Variants in NISCH observed in about 807,000 individuals in gnomAD.
NISCH encodes the protein nischarin.
Under a neutral mutation model 138.4 loss-of-function variants are expected in NISCH, and 55 were observed. The observed-to-expected ratio is 0.40, with a 90% CI of 0.32 to 0.50. The LOEUF (loss-of-function observed/expected upper bound fraction) is 0.50. Ranked by LOEUF, NISCH falls within the 20% of genes least tolerant of loss-of-function variation. NISCH has a pLI of 0.71. For synonymous variants in NISCH, 860 were observed against 861.5 expected (o/e 1.00, Z 0.03); for missense variants, 1,643 against 2,005.5 (o/e 0.82, Z 3.45).
At chr3:52,477,679 TC>T in intron 9 of NISCH, 37 bp downstream of exon 9, 1 of 1,545,962 alleles carries the variant, frequency 6.5e-7, no homozygotes, top group Non-Finnish European at 8.9e-7. Flanking sequence ...CCGCACACAC[TC>T]CCAAGGCCCC....
chr3:52,484,462 T>TTGGCCCCCCCC, intron 13 of NISCH, 51 bp from the exon 14 acceptor site: 81 of 788,660 alleles, frequency 1.0e-4, no homozygotes, highest in Middle Eastern at 4.5e-4. Flanking sequence ...ACAGCCGCTC[T>TTGGCCCCCCCC]CCCCGCCCCA....
intron 13 of NISCH, 180 bp from the exon 14 acceptor site, chr3:52,484,333 T>C (rs769417056): frequency 8.6e-5 from 50 of 578,290 alleles, no homozygotes; most frequent in Non-Finnish European, 1.4e-4. Flanking sequence ...TTGTTCTTTC[T>C]TGAGTTATTT....
At chr3:52,461,882 A>C (rs1038334521) in intron 3 of NISCH, among the ~76,000 whole-genome samples, 15 of 152,152 alleles carry the variant, frequency 9.9e-5, no homozygotes, top group South Asian at 4.1e-4. Context: ...AAAAAAAGAA[A>C]TATTGTATTT....
intron 3 of NISCH, 34 bp downstream of exon 3, chr3:52,458,878 C>T: frequency 6.4e-7 from 1 of 1,550,974 alleles, no homozygotes; most frequent in Non-Finnish European, 8.7e-7. Context: ...CCTGTGCCTG[C>T]AAACCCACAA....
In NISCH at chr3:52,488,198, G is replaced by A. The variant is rs764227395; in HGVS notation, c.2706G>A (p.Lys902=). ...RSCCAPSEAV[K]SAAIPYWLLL... ...GCTGCGCGCCCTCTGAGGCCGTCAA[G>A]TCCGCCGCCATCCCCTACTGGCTGT... The change falls in exon 16 of 21, where the codon AAG becomes AAA. Residue 902 remains lysine, a synonymous_variant. Coordinates refer to ENST00000345716, the MANE Select transcript of NISCH (RefSeq NM_007184.4). 6.2e-7 allele frequency: 1 copy of A among 1,613,024 alleles called. No homozygotes were observed. The highest frequency in any genetic ancestry group is 1.3e-5 in the African/African-American group (1 of 74,900).
At chr3:52,481,318 A>G (rs1707264010) in intron 13 of NISCH, 2 of 1,010,756 alleles carry the variant, frequency 2.0e-6, no homozygotes, top group African/African-American at 3.4e-5. Flanking sequence ...GTTAAGGCAA[A>G]AGGCCCAACG....
Position 52,472,347 on chromosome 3 carries a change from G to A in NISCH, c.618G>A (p.Glu206=). The change falls in exon 6 of 21, where the codon GAG becomes GAA. Residue 206 remains glutamate, a synonymous_variant. Transcript: ENST00000345716. The part of the protein sequence containing the change: ...EGPFGTSNIQ[E]QLLPFDLSIF... ...CTTTTGGGACCAGCAACATTCAGGA[G>A]CAGCTCCTGCCGTTCGACCTATCAA... 6.2e-7 allele frequency: 1 copy of A among 1,614,180 alleles called. No individual in the cohort carries two copies. Among genetic ancestry groups the A allele is most frequent in the South Asian group, 1.1e-5 (1 of 91,078 alleles).
At chr3:52,458,596 T>C in intron 2 of NISCH, 66 bp from the exon 3 acceptor site, 1 of 1,427,198 alleles carries the variant, frequency 7.0e-7, no homozygotes, top group Admixed American at 2.2e-5. Context: ...TCAAGCTTCT[T>C]GCCTTGGTCT....
In NISCH at chr3:52,490,792, C is replaced by T; in HGVS notation, c.3701C>T (p.Ser1234Leu). The change falls in exon 19 of 21, where the codon TCA becomes TTA. Residue 1234 changes from serine to leucine, a missense_variant. By Grantham distance (145) the Ser-to-Leu change is moderately radical. Coordinates refer to ENST00000345716, the MANE Select transcript of NISCH (RefSeq NM_007184.4). ...CFVLKLSDLQ[S>L]VNVGLFDQHF... Reference sequence around the variant, plus strand: ...GTGCTAAAGCTTAGTGACCTGCAGTCAGTCAATGTGGGGCTTTTCGACCAG... The same window carrying T: ...GTGCTAAAGCTTAGTGACCTGCAGTTAGTCAATGTGGGGCTTTTCGACCAG... 6.2e-7 allele frequency: 1 copy of T among 1,614,220 alleles called. No individual in the cohort carries two copies. Among genetic ancestry groups the T allele is most frequent in the Non-Finnish European group, 8.5e-7 (1 of 1,180,030 alleles).
intron 16 of NISCH, 126 bp from the exon 17 acceptor site, chr3:52,489,210 G>A (rs1424911717): frequency 8.6e-7 from 1 of 1,162,282 alleles, no homozygotes; most frequent in Non-Finnish European, 1.2e-6. Flanking sequence ...AGAGAAGCTG[G>A]TGGAAGTCCC....
At chr3:52,478,755 C>CCAGGAAAAAG (rs1339760603) in intron 11 of NISCH, among the ~76,000 whole-genome samples, 178 bp downstream of exon 11, 1 of 152,166 alleles carries the variant, frequency 6.6e-6, no homozygotes, top group African/African-American at 2.4e-5. Context: ...AAAAAGCTCC[C>CCAGGAAAAAG]TTGCATCTCC....
chr3:52,468,008 C>T (rs1706835960), intron 3 of NISCH, among the ~76,000 whole-genome samples: 1 of 152,208 alleles, frequency 6.6e-6, no homozygotes, highest in Admixed American at 6.5e-5. Flanking sequence ...GCCTGTAATC[C>T]CAGCACTTTG....
chr3:52,492,046 C>T lies in NISCH; in HGVS notation c.4079C>T (p.Pro1360Leu). 1 of 1,613,106 alleles carries T rather than the reference C, an allele frequency of 6.2e-7. No homozygotes were observed. The highest frequency in any genetic ancestry group is 1.1e-5 in the South Asian group (1 of 91,088). ...CAGGCCTTCCAGGTGGGCATGCCAC[C>T]CCCTGGGTGCTGCAGGGGCCCCCTG... ...YVQAFQVGMP[P>L]PGCCRGPLRP... Residue 1360 changes from proline to leucine, a missense_variant, in exon 21 of 21, where the codon CCC (proline) becomes CTC (leucine). Transcript: ENST00000345716.
chr3:52,491,058 G>A (rs186673253), intron 19 of NISCH, among the ~76,000 whole-genome samples: 2 of 152,386 alleles, frequency 1.3e-5, no homozygotes, highest in Admixed American at 6.5e-5. Context: ...CGCTGGCCCG[G>A]ACAGAAGCAG....
Position 52,478,299 on chromosome 3 carries a change from C to T in NISCH, c.1173+17C>T, listed in dbSNP as rs754418440. On this transcript the variant is annotated intron_variant, in intron 10 of 20. Coordinates refer to ENST00000345716, the MANE Select transcript of NISCH (RefSeq NM_007184.4). Reference sequence around the variant, plus strand: ...ATCGAACAGGTGAGCCCAAGGACCTCACAGTTTTGGGATTTCTGTGCCTTG... The same window carrying T: ...ATCGAACAGGTGAGCCCAAGGACCTTACAGTTTTGGGATTTCTGTGCCTTG... 3.7e-6 allele frequency: 6 copies of T among 1,612,582 alleles called. No individual in the cohort carries two copies. In the South Asian group the frequency reaches 6.6e-5, roughly 18 times the overall value.
chr3:52,475,793 A>T (rs1707082796), intron 7 of NISCH: 1 of 152,428 alleles, frequency 6.6e-6, no homozygotes, highest in South Asian at 2.1e-4. Context: ...GCAGTGAGCC[A>T]TGATGGCGCC....
At chr3:52,491,587 C>A in intron 20 of NISCH, 74 bp downstream of exon 20, 2 of 1,467,010 alleles carry the variant, frequency 1.4e-6, no homozygotes, top group Middle Eastern at 1.8e-4. Flanking sequence ...GCTCTCTGTG[C>A]CCCAGAACCC....
chr3:52,489,807 G>C, intron 17 of NISCH, 129 bp downstream of exon 17: 3 of 1,446,040 alleles, frequency 2.1e-6, no homozygotes, highest in Non-Finnish European at 2.7e-6. Flanking sequence ...GCTGCTCACA[G>C]CTTTGAGGAC....
chr3:52,460,361 G>A (rs1468717989), intron 3 of NISCH, among the ~76,000 whole-genome samples: 1 of 150,922 alleles, frequency 6.6e-6, no homozygotes, highest in Non-Finnish European at 1.5e-5. Context: ...CAAAAAAAAT[G>A]CAACTTTCTT....
Sources: gnomAD v4.1 joint callset for allele counts (sites outside exome capture counted in the v4.1 genomes callset) on GRCh38, gnomAD v4.1.1 for gene constraint, MANE v1.5 for transcripts, NCBI Gene and HGNC (gene_info 2026-07-23, HGNC 2026-07-21) for gene names.